LIN7C: variants seen among roughly 807,000 people sequenced by gnomAD.
LIN7C encodes the protein lin-7 cell polarity scaffold C.
A neutral mutation model predicts 24.7 loss-of-function variants in LIN7C; 17 were observed. That is an observed-to-expected ratio of 0.69 (90% CI 0.47 to 1.03). The LOEUF is 1.03. Ranked by LOEUF, LIN7C falls within the 50% of genes least tolerant of loss-of-function variation. The probability of loss-of-function intolerance (pLI) is 0.00; values close to 1 mark genes in which losing one functional copy is unlikely to be tolerated. For synonymous variants in LIN7C, 90 were observed against 83.4 expected, an observed-to-expected ratio of 1.08 and a Z score of -0.43; for missense variants, 204 against 239.0, an observed-to-expected ratio of 0.85 and a Z score of 0.97.
At chr11:27,505,177 C>CA (rs945953520) in intron 1 of LIN7C, among the ~76,000 whole-genome samples, 27 of 152,248 alleles carry the variant, frequency 1.8e-4, no homozygotes, top group African/African-American at 5.1e-4. Context: ...TACTAAAATA[C>CA]AAAAAACAGC....
intron 1 of LIN7C, 121 bp downstream of exon 1, chr11:27,506,595 C>A (rs1865304287): frequency 8.7e-6 from 10 of 1,154,708 alleles, no homozygotes; most frequent in Non-Finnish European, 1.3e-5. Context: ...CGGCCTCTGG[C>A]GCCGGCACAA....
chr11:27,503,816 G>A (rs1193814996), intron 1 of LIN7C, among the ~76,000 whole-genome samples: 12 of 147,932 alleles, frequency 8.1e-5, no homozygotes, highest in Admixed American at 2.7e-4. Context: ...CTGGCAGAAA[G>A]ATTATTTATT....
chr11:27,498,643 A>G lies in LIN7C; in HGVS notation c.*6T>C. Reference sequence around the variant, plus strand: ...CGCAAAATGAAATATCAAGTTTTGAAATGTATTAGGTCTGTTGCCTGCGTT... The same window carrying G: ...CGCAAAATGAAATATCAAGTTTTGAGATGTATTAGGTCTGTTGCCTGCGTT... On this transcript the variant is annotated 3_prime_UTR_variant, in exon 5 of 5. Transcript: ENST00000278193. 2 of 1,596,076 alleles carry G rather than the reference A, an allele frequency of 1.3e-6. No homozygotes were observed. The highest frequency in any genetic ancestry group is 1.2e-5 in the South Asian group (1 of 86,830).
rs745813915 is a variant in LIN7C, at chr11:27,499,576, A to T, written c.229-8T>A. 3.7e-6 allele frequency: 6 copies of T among 1,609,512 alleles called. No homozygotes were observed. Among genetic ancestry groups the T allele is most frequent in the South Asian group, 2.2e-5 (2 of 90,766 alleles). On this transcript the variant is annotated splice_region_variant and splice_polypyrimidine_tract_variant and intron_variant, in intron 3 of 4. Coordinates refer to ENST00000278193, the MANE Select transcript of LIN7C (RefSeq NM_018362.4). ...AAATGCAGCAACAGTAGCCTGAAAG[A>T]AAGTTTTACATATTAAAAATATGAC...
intron 1 of LIN7C, among the ~76,000 whole-genome samples, chr11:27,505,964 C>T (rs967360698): frequency 3.3e-5 from 5 of 152,178 alleles, no homozygotes; most frequent in Admixed American, 2.6e-4. Context: ...GGCGCATAGC[C>T]AGTTATTTTC....
intron 1 of LIN7C, among the ~76,000 whole-genome samples, chr11:27,506,281 C>T (rs1255576977): frequency 1.3e-5 from 2 of 152,212 alleles, no homozygotes; most frequent in African/African-American, 4.8e-5. Flanking sequence ...AGTTTGTGTG[C>T]AAACAGCGGG....
chr11:27,501,286 TA>T (rs541372768), intron 3 of LIN7C, among the ~76,000 whole-genome samples: 37 of 152,248 alleles, frequency 2.4e-4, no homozygotes, highest in South Asian at 2.3e-3. Context: ...AACTGCATGA[TA>T]AAATAGCTTA....
rs746188926 is a variant in LIN7C, at chr11:27,498,811, GAAAA to G, written c.439-11_439-8del. 6.4e-7 allele frequency: 1 copy of G among 1,554,026 alleles called. No individual in the cohort carries two copies. On this transcript the variant is annotated splice_polypyrimidine_tract_variant and splice_region_variant and intron_variant, in intron 4 of 4. Coordinates refer to ENST00000278193, the MANE Select transcript of LIN7C (RefSeq NM_018362.4). ...GATGTTCTCCTTCAACACTCTAGGG[GAAAA>G]AAAAACAACCAACCATACACTAATA...
In LIN7C at chr11:27,496,159, A is replaced by G. The variant is rs1472852823; in HGVS notation, c.*2490T>C. 6.6e-6 allele frequency: 1 copy of G among 151,512 alleles called. No homozygotes were observed. Among genetic ancestry groups the G allele is most frequent in the Non-Finnish European group, 1.5e-5 (1 of 67,818 alleles). The allele number at this position is 151,512 out of a possible 1,614,324, so 9.4% of individuals were successfully genotyped here. A position where few individuals can be genotyped will look rare whatever the true frequency, so the allele number is the denominator to read the frequency against. ...TAGAACCACCTGGAAAGCTTTACAA[A>G]AAAAAAAAAAAGGGTGATTTTGATT... On this transcript the variant is annotated 3_prime_UTR_variant, in exon 5 of 5. Transcript: ENST00000278193.
At chr11:27,501,980 C>T in intron 1 of LIN7C, 60 bp from the exon 2 acceptor site, 10 of 979,740 alleles carry the variant, frequency 1.0e-5, no homozygotes, top group Non-Finnish European at 1.6e-5. Flanking sequence ...GCCTATGTAA[C>T]AGTGGGGCAG....
rs1039231733 is a variant in LIN7C, at chr11:27,500,962, CT to C, written c.228+532del. The stretch of plus-strand genomic sequence containing the variant: ...GCTGATATTACCCTGTTCAAACCCC[CT>C]ATCATGAATAGTGAGGTCAATACCT... On this transcript the variant is annotated intron_variant, in intron 3 of 4. Transcript: ENST00000278193. Among the ~76,000 whole-genome samples the C allele has an allele frequency of 2.6e-4, 40 of 152,160 alleles. 1 individual carries two copies. The highest frequency in any genetic ancestry group is 9.7e-4 in the African/African-American group (40 of 41,436).
At position 27,496,081 on chromosome 11, in the gene LIN7C, T is replaced by C. The variant is rs1368399825; in HGVS notation, c.*2568A>G. On this transcript the variant is annotated 3_prime_UTR_variant, in exon 5 of 5. Transcript: ENST00000278193. ...GTTCTATTTTGATACTTCCTAAGAGTGTCCAGTGTAATCAGATCATTTTAT... is the reference window on the plus strand; with the variant it reads ...GTTCTATTTTGATACTTCCTAAGAGCGTCCAGTGTAATCAGATCATTTTAT... The C allele has an allele frequency of 2.6e-5, 4 of 150,980 alleles. No individual in the cohort carries two copies. The highest frequency in any genetic ancestry group is 5.9e-5 in the Non-Finnish European group (4 of 67,858). 9.4% of individuals were successfully genotyped at this position (150,980 alleles called of 1,614,324 possible).
rs751833233 is a variant in LIN7C at position 27,494,715 on chromosome 11, G to A, written c.*3934C>T. 1.3e-5 allele frequency: 2 copies of A among 152,080 alleles called. No individual in the cohort carries two copies. The highest frequency in any genetic ancestry group is 2.9e-5 in the Non-Finnish European group (2 of 68,006). 9.4% of individuals were successfully genotyped at this position (152,080 alleles called of 1,614,324 possible). ...AAAAGTAGAAGCATAGCATTTGCCA[G>A]TTATTTTAAAAAACCGAGTCAATAC... On this transcript the variant is annotated 3_prime_UTR_variant, in exon 5 of 5. Coordinates refer to ENST00000278193, the MANE Select transcript of LIN7C (RefSeq NM_018362.4).
Position 27,494,457 on chromosome 11 carries a change from G to C in LIN7C, c.*4192C>G, listed in dbSNP as rs1865143854. On this transcript the variant is annotated 3_prime_UTR_variant, in exon 5 of 5. Transcript: ENST00000278193. Reference sequence around the variant, plus strand: ...TTTATGAAAGACAAAGCAAAATATAGAAATTCAAAGTTTCATTTCAGCAGC... The same window carrying C: ...TTTATGAAAGACAAAGCAAAATATACAAATTCAAAGTTTCATTTCAGCAGC... 6.6e-6 allele frequency: 1 copy of C among 152,078 alleles called. No homozygotes were observed. Among genetic ancestry groups the C allele is most frequent in the African/African-American group, 2.4e-5 (1 of 41,404 alleles). 9.4% of individuals were successfully genotyped at this position (152,078 alleles called of 1,614,324 possible).
chr11:27,498,551 T>C lies in LIN7C; in HGVS notation c.*98A>G. The C allele has an allele frequency of 9.0e-7, 1 of 1,108,846 alleles. No homozygotes were observed. The highest frequency in any genetic ancestry group is 1.3e-6 in the Non-Finnish European group (1 of 764,894). 68.7% of individuals were successfully genotyped at this position (1,108,846 alleles called of 1,614,324 possible). A position where few individuals can be genotyped will look rare whatever the true frequency, so the allele number is the denominator to read the frequency against. On this transcript the variant is annotated 3_prime_UTR_variant, in exon 5 of 5. Transcript: ENST00000278193. ...AAGGAGAATTTCATGATAAATTTGTTTGTTTTCTTACAATCATTGGCATTG... is the reference window on the plus strand; with the variant it reads ...AAGGAGAATTTCATGATAAATTTGTCTGTTTTCTTACAATCATTGGCATTG...
rs181529416 is a variant in LIN7C at position 27,501,510 on chromosome 11, C to T, written c.213G>A (p.Ala71=). 2.3e-4 allele frequency: 362 copies of T among 1,588,608 alleles called. 5 individuals carry two copies. The East Asian group carries it at 7.2e-3, about 32-fold the overall frequency. Residue 71 remains alanine, a synonymous_variant, in exon 3 of 5, where the codon GCG becomes GCA. Transcript: ENST00000278193. ...AAAAATTTACCTTTGCAGTAGCGTTCGCTCTCACTTCAGGACTGCTACTGA... is the reference window on the plus strand; with the variant it reads ...AAAAATTTACCTTTGCAGTAGCGTTTGCTCTCACTTCAGGACTGCTACTGA... ...VDISSSPEVR[A]NATAKATVAA... is the part of the protein sequence containing the mutation.
intron 1 of LIN7C, among the ~76,000 whole-genome samples, chr11:27,503,773 A>G (rs984087850): frequency 3.3e-5 from 5 of 150,754 alleles, no homozygotes; most frequent in Non-Finnish European, 7.4e-5. Flanking sequence ...CAGCTTCCCA[A>G]GGTGCTGGGA....
chr11:27,503,536 T>C (rs1865245180), intron 1 of LIN7C, among the ~76,000 whole-genome samples: 1 of 152,160 alleles, frequency 6.6e-6, no homozygotes, highest in African/African-American at 2.4e-5. Flanking sequence ...TTATTTGAGA[T>C]GGAGTCTCAC....
rs764364774 is a variant in LIN7C, at chr11:27,501,804, C to G, written c.154G>C (p.Glu52Gln). The G allele has an allele frequency of 3.1e-6, 5 of 1,590,934 alleles. No homozygotes were observed. Among genetic ancestry groups the G allele is most frequent in the Non-Finnish European group, 1.7e-6 (2 of 1,159,946 alleles). ...LQSEFCNAVR[E>Q]VYEHVYETVD... ...AAATTTTAATGATGTTTACTCACCT[C>G]TCTCACAGCATTGCAGAATTCACTT... The change falls in exon 2 of 5, where the codon GAG (glutamate) becomes CAG (glutamine). Residue 52 changes from glutamate (E) to glutamine (Q), a missense_variant and splice_region_variant. Physicochemically the swap from Glu to Gln is conservative, Grantham distance 29. Transcript: ENST00000278193.
Sources: gnomAD v4.1 joint callset for allele counts (sites outside exome capture counted in the v4.1 genomes callset) on GRCh38, gnomAD v4.1.1 for gene constraint, MANE v1.5 for transcripts, NCBI Gene and HGNC (gene_info 2026-07-23, HGNC 2026-07-21) for gene names.